Variants in ARHGEF28 observed in about 807,000 individuals in gnomAD.
ARHGEF28 encodes Rho guanine nucleotide exchange factor 28, also known as 190 kDa guanine nucleotide exchange factor.
Under a neutral mutation model 206.6 loss-of-function variants are expected in ARHGEF28, and 152 were observed. The ratio of observed to expected loss-of-function variants is 0.74; its 90% CI spans 0.64 to 0.84. The LOEUF is 0.84. Among genes scored for constraint, ARHGEF28 ranks in the 40% least tolerant of loss-of-function variants. The pLI is 0.00. For missense variants in ARHGEF28, 2,028 were observed against 2,073.2 expected (o/e 0.98, Z 0.42); for synonymous variants, 763 against 776.4 (o/e 0.98, Z 0.29).
intron 1 of ARHGEF28, among the ~76,000 whole-genome samples, chr5:73,662,807 A>G (rs1745694457): frequency 6.6e-6 from 1 of 152,160 alleles, no homozygotes. Context: ...GTTAACTGGT[A>G]TGACTTTCCT....
At chr5:73,776,971 T>C (rs1257860116) in intron 6 of ARHGEF28, among the ~76,000 whole-genome samples, 1 of 152,216 alleles carries the variant, frequency 6.6e-6, no homozygotes, top group East Asian at 1.9e-4. Context: ...AATTTATTGA[T>C]TGTATTATAA....
chr5:73,748,824 G>T (rs140880059), intron 2 of ARHGEF28, among the ~76,000 whole-genome samples: 1 of 152,140 alleles, frequency 6.6e-6, no homozygotes, highest in Non-Finnish European at 1.5e-5. Flanking sequence ...GCCCCACTTT[G>T]TATTGCTTTT....
At chr5:73,764,064 A>G (rs1752760705) in intron 4 of ARHGEF28, among the ~76,000 whole-genome samples, 1 of 152,218 alleles carries the variant, frequency 6.6e-6, no homozygotes. Flanking sequence ...ATAGTTCTTG[A>G]CAGCCCTGTC....
At chr5:73,706,821 C>G (rs1009120383) in intron 2 of ARHGEF28, among the ~76,000 whole-genome samples, 1 of 152,208 alleles carries the variant, frequency 6.6e-6, no homozygotes, top group Non-Finnish European at 1.5e-5. Flanking sequence ...CTCTCTCCTC[C>G]TCCCCGCTTT....
chr5:73,654,872 C>G (rs1486358725), intron 1 of ARHGEF28, among the ~76,000 whole-genome samples: 3 of 152,162 alleles, frequency 2.0e-5, no homozygotes, highest in Admixed American at 2.0e-4. Flanking sequence ...CTGACGTTCA[C>G]AGTAATCTAA....
intron 9 of ARHGEF28, among the ~76,000 whole-genome samples, chr5:73,798,472 C>T (rs552353101): frequency 9.9e-4 from 150 of 152,268 alleles, no homozygotes; most frequent in African/African-American, 3.3e-3. Flanking sequence ...TCATCCAAGC[C>T]GGTGCCCCAG....
At chr5:73,641,530 G>A (rs1744102725) in intron 1 of ARHGEF28, among the ~76,000 whole-genome samples, 1 of 151,690 alleles carries the variant, frequency 6.6e-6, no homozygotes, top group Admixed American at 6.6e-5. Flanking sequence ...TACACTGACT[G>A]TCTTGGAGTC....
chr5:73,829,730 G>A (rs1268804039), intron 9 of ARHGEF28, among the ~76,000 whole-genome samples: 2 of 151,970 alleles, frequency 1.3e-5, no homozygotes, highest in Admixed American at 1.3e-4. Flanking sequence ...GTACAGTGGG[G>A]ATAAGATTTT....
intron 2 of ARHGEF28, among the ~76,000 whole-genome samples, chr5:73,730,055 A>G (rs1469280044): frequency 6.6e-6 from 1 of 152,194 alleles, no homozygotes; most frequent in Non-Finnish European, 1.5e-5. Flanking sequence ...ATATATCGCC[A>G]TCTAATTCTG....
At chr5:73,925,539 T>C (rs1293157418) in intron 35 of ARHGEF28, among the ~76,000 whole-genome samples, 1 of 152,230 alleles carries the variant, frequency 6.6e-6, no homozygotes, top group East Asian at 1.9e-4. Context: ...TACTGTCTAC[T>C]GTCCAGTCAG....
intron 2 of ARHGEF28, among the ~76,000 whole-genome samples, chr5:73,710,469 T>C (rs1391306974): frequency 2.0e-5 from 3 of 152,182 alleles, no homozygotes; most frequent in Admixed American, 6.5e-5. Context: ...TGATTTAAAA[T>C]ATTTTCTCCT....
rs1486742011 is a variant in ARHGEF28, at chr5:73,872,936, G to A, written c.2567-63G>A. On this transcript the variant is annotated intron_variant, in intron 21 of 35. Transcript: ENST00000513042. The stretch of plus-strand genomic sequence containing the variant: ...CATATAGTGTTGAGTTACTAATTTA[G>A]TTTAATAGCGAAACTTGCTTTTTAA... 6 of 1,576,444 alleles carry A rather than the reference G, an allele frequency of 3.8e-6. 1 individual carries two copies. The highest frequency in any genetic ancestry group is 2.3e-5 in the South Asian group (2 of 85,718).
intron 29 of ARHGEF28, among the ~76,000 whole-genome samples, chr5:73,894,998 G>A (rs925995560): frequency 1.6e-4 from 25 of 151,544 alleles, no homozygotes; most frequent in African/African-American, 5.8e-4. Context: ...CAGGCAGGGG[G>A]ACAGCACAGG....
intron 22 of ARHGEF28, among the ~76,000 whole-genome samples, chr5:73,875,407 G>C (rs1372963882): frequency 6.6e-6 from 1 of 150,594 alleles, no homozygotes; most frequent in African/African-American, 2.4e-5. Flanking sequence ...TTGCTGTGCG[G>C]AAGCTCTTTA....
rs749522388 is a variant in ARHGEF28, at chr5:73,870,216, G to A, written c.2566+7G>A. On this transcript the variant is annotated splice_region_variant and intron_variant, in intron 21 of 35. Coordinates refer to ENST00000513042, the MANE Select transcript of ARHGEF28 (RefSeq NM_001177693.2). ...AGACAGGATGTCATTTTTGGTAAGC[G>A]TTTCAAATATGCTCTTTGGGTTGAA... The A allele has an allele frequency of 6.2e-5, 100 of 1,612,018 alleles. No homozygotes were observed. The highest frequency in any genetic ancestry group is 1.2e-4 in the South Asian group (11 of 90,852).
intron 1 of ARHGEF28, among the ~76,000 whole-genome samples, chr5:73,637,199 T>A (rs901804948): frequency 1.3e-5 from 2 of 152,202 alleles, no homozygotes; most frequent in African/African-American, 4.8e-5. Context: ...GTGGAGAATA[T>A]GCTCTGAAAT....
rs766559675 is a variant in ARHGEF28, at chr5:73,909,507, C to A, written c.4257C>A (p.Gly1419=). 7.5e-6 allele frequency: 12 copies of A among 1,607,946 alleles called. No homozygotes were observed. The highest frequency in any genetic ancestry group is 1.7e-5 in the Admixed American group (1 of 59,098). ...GLSLGHSILR[G]GPLQDQKSRD... Reference sequence around the variant, plus strand: ...CTCTCGGCCACTCTATCCTCCGAGGCGGCCCCTTGCAGGACCAGAAGTCTC... The same window carrying A: ...CTCTCGGCCACTCTATCCTCCGAGGAGGCCCCTTGCAGGACCAGAAGTCTC... The change falls in exon 34 of 36, where the codon GGC becomes GGA. Residue 1419 remains glycine (G), a synonymous_variant. Transcript: ENST00000513042.
intron 23 of ARHGEF28, 72 bp from the exon 24 acceptor site, chr5:73,883,695 G>T: frequency 1.1e-6 from 1 of 920,944 alleles, no homozygotes. Context: ...CAGATTCTTT[G>T]TATTGTTACA....
At chr5:73,819,150 A>G (rs1417808206) in intron 9 of ARHGEF28, among the ~76,000 whole-genome samples, 2 of 152,218 alleles carry the variant, frequency 1.3e-5, no homozygotes, top group Non-Finnish European at 2.9e-5. Flanking sequence ...CAGAGAATGT[A>G]TCAAAGTGAT....
Sources: gnomAD v4.1 joint callset for allele counts (sites outside exome capture counted in the v4.1 genomes callset) on GRCh38, gnomAD v4.1.1 for gene constraint, MANE v1.5 for transcripts, NCBI Gene and HGNC (gene_info 2026-07-23, HGNC 2026-07-21) for gene names.